The following ELMO1 variants were observed in gnomAD, a reference collection of about 807,000 sequenced individuals.
ELMO1 encodes engulfment and cell motility protein 1.
ELMO1 carries 26 observed loss-of-function variants against 98.9 expected under a neutral mutation model. The ratio of observed to expected loss-of-function variants is 0.26; its 90% CI spans 0.19 to 0.36. The LOEUF (loss-of-function observed/expected upper bound fraction) is 0.36, where lower values mean the gene tolerates loss of function less well. ELMO1 is among the 10% of genes least tolerant of loss of function. ELMO1 has a pLI of 1.00. For missense variants in ELMO1, 627 were observed against 935.2 expected, an observed-to-expected ratio of 0.67 and a Z score of 4.30; for synonymous variants, 346 against 346.0, an observed-to-expected ratio of 1.00 and a Z score of 0.00.
intron 16 of ELMO1, among the ~76,000 whole-genome samples, chr7:36,911,985 T>C (rs921280432): frequency 6.6e-6 from 1 of 152,136 alleles, no homozygotes; most frequent in African/African-American, 2.4e-5. Context: ...TGAGCAAACA[T>C]GAGTGATGAC....
At chr7:37,444,700 G>A (rs935815809) in intron 1 of ELMO1, among the ~76,000 whole-genome samples, 2 of 152,134 alleles carry the variant, frequency 1.3e-5, no homozygotes, top group Admixed American at 1.3e-4. Context: ...ATTTTCAATA[G>A]AGACGGGGTT....
intron 1 of ELMO1, among the ~76,000 whole-genome samples, chr7:37,397,870 A>C (rs1803364792): frequency 6.6e-6 from 1 of 152,214 alleles, no homozygotes; most frequent in South Asian, 2.1e-4. Context: ...TGGAGCTGGA[A>C]GCCATTATCC....
At chr7:37,184,305 G>C (rs1791063490) in intron 13 of ELMO1, among the ~76,000 whole-genome samples, 1 of 152,194 alleles carries the variant, frequency 6.6e-6, no homozygotes, top group South Asian at 2.1e-4. Context: ...TCTGGTCTTA[G>C]TGAGATCTTC....
intron 1 of ELMO1, among the ~76,000 whole-genome samples, chr7:37,392,441 T>C (rs9648448): frequency 6.6e-6 from 1 of 152,154 alleles, no homozygotes; most frequent in Non-Finnish European, 1.5e-5. Context: ...CAGAACTTGG[T>C]GACAACCTAG....
rs565368122 is a variant in ELMO1, at chr7:37,161,884, T to C, written c.1087-28650A>G. On this transcript the variant is annotated intron_variant, in intron 13 of 21. Transcript: ENST00000310758. ...CATAAAGGCTTCCACTAAGGCATTA[T>C]AGAAAGCCTTCAGGTAATCAAATAT... 7.0e-5 allele frequency among the ~76,000 whole-genome samples: 5 copies of C among 71,220 alleles called. No homozygotes were observed. The East Asian group carries it at 1.4e-3, about 21-fold the overall frequency. 46.7% of individuals were successfully genotyped at this position (71,220 alleles called of 152,430 possible).
At chr7:37,176,056 C>T (rs770084769) in intron 13 of ELMO1, among the ~76,000 whole-genome samples, 2 of 152,148 alleles carry the variant, frequency 1.3e-5, no homozygotes, top group African/African-American at 2.4e-5. Context: ...TACAGGAGAT[C>T]GTGGCTGGTT....
intron 15 of ELMO1, among the ~76,000 whole-genome samples, chr7:37,068,663 C>A (rs954070260): frequency 6.6e-6 from 1 of 152,082 alleles, no homozygotes; most frequent in Non-Finnish European, 1.5e-5. Context: ...GTAGAGAGAA[C>A]TACAGTTGGT....
At chr7:37,106,555 TTA>T (rs1336606053) in intron 14 of ELMO1, among the ~76,000 whole-genome samples, 1 of 152,072 alleles carries the variant, frequency 6.6e-6, no homozygotes, top group Non-Finnish European at 1.5e-5. Context: ...TTTCTATTGT[TTA>T]TAACTTACCC....
intron 14 of ELMO1, among the ~76,000 whole-genome samples, chr7:37,099,218 G>C (rs1160859098): frequency 6.6e-6 from 1 of 152,142 alleles, no homozygotes; most frequent in Non-Finnish European, 1.5e-5. Context: ...ACTGATTTCT[G>C]TTGTCAAGGC....
chr7:37,089,702 G>A (rs929639941), intron 15 of ELMO1, among the ~76,000 whole-genome samples: 1 of 152,130 alleles, frequency 6.6e-6, no homozygotes, highest in African/African-American at 2.4e-5. Context: ...AAATGACAGA[G>A]GACTGTAATC....
At chr7:37,275,815 G>T (rs1056696198) in intron 4 of ELMO1, among the ~76,000 whole-genome samples, 1 of 152,226 alleles carries the variant, frequency 6.6e-6, no homozygotes, top group Non-Finnish European at 1.5e-5. Flanking sequence ...CTGACAGAAA[G>T]GCAGAGCAAA....
intron 13 of ELMO1, among the ~76,000 whole-genome samples, chr7:37,151,846 ACT>A (rs1788384525): frequency 6.6e-6 from 1 of 152,172 alleles, no homozygotes; most frequent in African/African-American, 2.4e-5. Flanking sequence ...GAAATTTTCC[ACT>A]CTCTTTCTCT....
intron 2 of ELMO1, among the ~76,000 whole-genome samples, chr7:37,335,788 C>G (rs115697821): frequency 6.6e-6 from 1 of 152,264 alleles, no homozygotes; most frequent in African/African-American, 2.4e-5. Context: ...AACATCTTCT[C>G]CAAGCATTTG....
intron 1 of ELMO1, among the ~76,000 whole-genome samples, chr7:37,422,480 C>A (rs556807500): frequency 6.6e-6 from 1 of 152,294 alleles, no homozygotes; most frequent in South Asian, 2.1e-4. Context: ...AATAGAGAAG[C>A]TCGTGTGGTT....
intron 15 of ELMO1, among the ~76,000 whole-genome samples, chr7:37,027,697 C>T (rs985293594): frequency 1.3e-5 from 2 of 152,130 alleles, no homozygotes; most frequent in Non-Finnish European, 1.5e-5. Context: ...TACCCAAGCT[C>T]GTGTGGGAAA....
chr7:37,038,932 A>C (rs1795341510), intron 15 of ELMO1, among the ~76,000 whole-genome samples: 1 of 152,162 alleles, frequency 6.6e-6, no homozygotes, highest in South Asian at 2.1e-4. Context: ...CACCCTTGTG[A>C]ACTCATCTAA....
intron 20 of ELMO1, among the ~76,000 whole-genome samples, chr7:36,863,908 C>A (rs1802825716): frequency 6.6e-6 from 1 of 152,104 alleles, no homozygotes; most frequent in African/African-American, 2.4e-5. Flanking sequence ...ATGATGATTT[C>A]TTTACTAATC....
chr7:37,421,181 G>A lies in ELMO1; in HGVS notation c.-74+27494C>T, dbSNP rs772064719. Among the ~76,000 whole-genome samples, 118 of 152,350 alleles carry A rather than the reference G, an allele frequency of 7.7e-4. 1 individual carries two copies. Among genetic ancestry groups the A allele is most frequent in the Non-Finnish European group, 1.2e-3 (84 of 68,036 alleles). ...GAGTTTTCTGCAAAGGAGCACAGAT[G>A]TTCATATCTCTGACAGCAGCCAGAA... On this transcript the variant is annotated intron_variant, in intron 1 of 21. Coordinates refer to ENST00000310758, the MANE Select transcript of ELMO1 (RefSeq NM_014800.11).
intron 13 of ELMO1, among the ~76,000 whole-genome samples, chr7:37,167,973 C>T (rs1789842144): frequency 6.6e-6 from 1 of 152,104 alleles, no homozygotes; most frequent in Non-Finnish European, 1.5e-5. Flanking sequence ...CTTTCAGGTA[C>T]ACCAATCAGA....
Sources: allele counts gnomAD v4.1 joint callset (sites outside exome capture counted in the v4.1 genomes callset), GRCh38; gene constraint gnomAD v4.1.1; transcripts MANE v1.5; gene names NCBI Gene and HGNC (gene_info 2026-07-23, HGNC 2026-07-21).